The following OTUD7A variants were observed in gnomAD, a reference collection of about 807,000 sequenced individuals.
OTUD7A encodes OTU domain-containing protein 7A.
Under a neutral mutation model 65.7 loss-of-function variants are expected in OTUD7A, and 12 were observed. The ratio of observed to expected loss-of-function variants is 0.18; its 90% confidence interval spans 0.12 to 0.30. OTUD7A has a LOEUF of 0.30. Ranked by LOEUF, OTUD7A falls within the 10% of genes least tolerant of loss-of-function variation. OTUD7A has a pLI of 1.00. For missense variants in OTUD7A, 1,148 were observed against 1,304.8 expected (o/e 0.88, Z 1.85); for synonymous variants, 641 against 586.3 (o/e 1.09, Z -1.35).
chr15:31,782,228 G>A (rs1895559262), intron 1 of OTUD7A, among the ~76,000 whole-genome samples: 1 of 152,216 alleles, frequency 6.6e-6, no homozygotes, highest in Admixed American at 6.5e-5. Context: ...TGGTACTGAG[G>A]GAGGTGCCAA....
At chr15:31,698,563 C>T (rs1893137235) in intron 1 of OTUD7A, among the ~76,000 whole-genome samples, 1 of 151,992 alleles carries the variant, frequency 6.6e-6, no homozygotes, top group African/African-American at 2.4e-5. Context: ...TTTGCACCAG[C>T]CCTCTGGGGT....
chr15:31,642,363 G>A (rs1891542155), intron 3 of OTUD7A, among the ~76,000 whole-genome samples: 1 of 152,144 alleles, frequency 6.6e-6, no homozygotes. Flanking sequence ...AGGAATATTT[G>A]TCTGTAGTCT....
intron 1 of OTUD7A, among the ~76,000 whole-genome samples, chr15:31,750,485 T>C (rs1894604059): frequency 6.6e-6 from 1 of 150,680 alleles, no homozygotes; most frequent in African/African-American, 2.4e-5. Context: ...TAATGTCATT[T>C]TTTGCAGAAT....
intron 3 of OTUD7A, among the ~76,000 whole-genome samples, chr15:31,584,424 A>C (rs1889466184): frequency 6.6e-6 from 1 of 152,132 alleles, no homozygotes; most frequent in African/African-American, 2.4e-5. Flanking sequence ...CAACATCAAC[A>C]TCAACTGACC....
At chr15:31,594,930 T>C (rs545644779) in intron 3 of OTUD7A, among the ~76,000 whole-genome samples, 120 of 152,280 alleles carry the variant, frequency 7.9e-4, no homozygotes, top group Non-Finnish European at 1.5e-3. Context: ...CCTGCATGCA[T>C]CAGGGGGACT....
At chr15:31,497,969 C>A (rs1380035513) in intron 10 of OTUD7A, among the ~76,000 whole-genome samples, 1 of 152,228 alleles carries the variant, frequency 6.6e-6, no homozygotes, top group Admixed American at 6.5e-5. Flanking sequence ...CAGACCTAGG[C>A]AGCACCTGTA....
chr15:31,487,640 C>A lies in OTUD7A; in HGVS notation c.1172-74G>T. On this transcript the variant is annotated intron_variant, in intron 10 of 12. Coordinates refer to ENST00000307050, the MANE Select transcript of OTUD7A (RefSeq NM_001382637.1). The surrounding 1 kb of genome is among the most constrained non-coding windows in gnomAD (Gnocchi z 6.0). ...GCAGGATGGCAAGGAAATTCCCAAG[C>A]CAGGTATCTGGGTGACAAATGCACC... The A allele has an allele frequency of 8.1e-7, 1 of 1,232,256 alleles. No homozygotes were observed. The highest frequency in any genetic ancestry group is 1.1e-6 in the Non-Finnish European group (1 of 876,248). 76.3% of individuals were successfully genotyped at this position (1,232,256 alleles called of 1,614,324 possible). A position where few individuals can be genotyped will look rare whatever the true frequency, so the allele number is the denominator to read the frequency against.
intron 1 of OTUD7A, among the ~76,000 whole-genome samples, chr15:31,747,965 C>T (rs1157995062): frequency 2.0e-5 from 3 of 152,126 alleles, no homozygotes; most frequent in Admixed American, 6.6e-5. Flanking sequence ...TACAAATTAA[C>T]TTGTCCATGC....
chr15:31,841,424 G>A (rs1000978866), intron 1 of OTUD7A, among the ~76,000 whole-genome samples: 2 of 152,042 alleles, frequency 1.3e-5, no homozygotes, highest in Admixed American at 1.3e-4. Flanking sequence ...AGGAAGCCTC[G>A]AGGACACATG....
At chr15:31,677,927 CT>C (rs1892629147) in intron 1 of OTUD7A, among the ~76,000 whole-genome samples, 1 of 152,214 alleles carries the variant, frequency 6.6e-6, no homozygotes, top group Non-Finnish European at 1.5e-5. Flanking sequence ...AACTTTGGAA[CT>C]TCCTAGACTT....
chr15:31,540,679 T>TG (rs1180340428), intron 5 of OTUD7A, among the ~76,000 whole-genome samples: 2 of 152,228 alleles, frequency 1.3e-5, no homozygotes, highest in African/African-American at 2.4e-5. Flanking sequence ...ATATATGTAT[T>TG]ATGCATATAC....
intron 5 of OTUD7A, among the ~76,000 whole-genome samples, chr15:31,543,715 CT>C (rs1888050013): frequency 6.6e-6 from 1 of 151,784 alleles, no homozygotes; most frequent in African/African-American, 2.4e-5. Context: ...AGTTTAATTG[CT>C]GTATTCAATA....
intron 8 of OTUD7A, among the ~76,000 whole-genome samples, chr15:31,516,398 G>C (rs937082169): frequency 1.3e-5 from 2 of 152,158 alleles, no homozygotes; most frequent in Non-Finnish European, 2.9e-5. Flanking sequence ...GTGACCCAGG[G>C]GGTGGCGGAG....
chr15:31,785,531 T>C (rs1417052360), intron 1 of OTUD7A, among the ~76,000 whole-genome samples: 1 of 152,182 alleles, frequency 6.6e-6, no homozygotes, highest in Non-Finnish European at 1.5e-5. Context: ...CTCTCATTAC[T>C]GTAGTACAAG....
At chr15:31,835,476 C>A (rs1323355807) in intron 1 of OTUD7A, among the ~76,000 whole-genome samples, 1 of 152,158 alleles carries the variant, frequency 6.6e-6, no homozygotes, top group Admixed American at 6.5e-5. Flanking sequence ...CCATGTGCAG[C>A]AAATCCCCAC....
intron 3 of OTUD7A, among the ~76,000 whole-genome samples, chr15:31,576,661 A>C (rs1355873975): frequency 1.3e-5 from 2 of 152,164 alleles, no homozygotes; most frequent in African/African-American, 2.4e-5. Flanking sequence ...TATGTCATGG[A>C]CCATTGGTCA....
chr15:31,778,560 A>G (rs1240126861), intron 1 of OTUD7A, among the ~76,000 whole-genome samples: 2 of 152,204 alleles, frequency 1.3e-5, no homozygotes, highest in African/African-American at 4.8e-5. Context: ...AGGCAGCCCT[A>G]GTGTTTAGGA....
intron 6 of OTUD7A, among the ~76,000 whole-genome samples, chr15:31,529,994 T>C (rs1365973346): frequency 6.6e-6 from 1 of 152,216 alleles, no homozygotes. Flanking sequence ...CCTAAAGGGA[T>C]AACTGAGGTT....
chr15:31,777,725 C>T (rs1396817416), intron 1 of OTUD7A, among the ~76,000 whole-genome samples: 2 of 152,164 alleles, frequency 1.3e-5, no homozygotes, highest in Non-Finnish European at 2.9e-5. Context: ...CATGGCAGCC[C>T]CTGGAGTAGG....
Sources: gnomAD v4.1 joint callset for allele counts (sites outside exome capture counted in the v4.1 genomes callset) on GRCh38, gnomAD v4.1.1 for gene constraint, Gnocchi (gnomAD v3.1) non-coding constraint, MANE v1.5 for transcripts, NCBI Gene and HGNC (gene_info 2026-07-23, HGNC 2026-07-21) for gene names.